Variants in BCO1 observed in about 807,000 individuals in gnomAD.
BCO1 encodes the protein beta-carotene oxygenase 1, also known as beta,beta-carotene 15,15'-dioxygenase.
Under a neutral mutation model 56.3 loss-of-function variants are expected in BCO1, and 54 were observed. That is an observed-to-expected ratio of 0.96 (90% confidence interval 0.77 to 1.20). BCO1 has a LOEUF of 1.20. BCO1 is among the 50% of genes most tolerant of loss of function. The probability of loss-of-function intolerance (pLI) is 0.00; values close to 1 mark genes in which losing one functional copy is unlikely to be tolerated. For missense variants in BCO1, 801 were observed against 690.9 expected, an observed-to-expected ratio of 1.16 and a Z score of -1.79; for synonymous variants, 318 against 266.1, an observed-to-expected ratio of 1.20 and a Z score of -1.90.
Position 81,262,166 on chromosome 16 carries a change from CG to C in BCO1, c.355del (p.Asp119IlefsTer7). ...TCTCCTACTTGTCTCACACCATCCC[CG>C]ATTTCACCGACAACTGCCTGATCAA... The part of the protein sequence containing the change: ...AFSYLSHTIP[D>X]FTDNCLINIM... On this transcript the variant is annotated frameshift_variant, in exon 4 of 11. Coordinates refer to ENST00000258168, the MANE Select transcript of BCO1 (RefSeq NM_017429.3). LOFTEE classifies it high-confidence loss of function. The C allele has an allele frequency of 6.2e-7, 1 of 1,614,032 alleles. No individual in the cohort carries two copies.
At chr16:81,289,625 A>G (rs1908355516) in intron 10 of BCO1, among the ~76,000 whole-genome samples, 3 of 152,228 alleles carry the variant, frequency 2.0e-5, no homozygotes, top group African/African-American at 7.2e-5. Context: ...TGGGCAACAG[A>G]GTAAGACCCT....
intron 5 of BCO1, among the ~76,000 whole-genome samples, chr16:81,266,338 CAGGAGACCTAGGCCTGTG>C (rs1906828314): frequency 6.6e-6 from 1 of 152,286 alleles, no homozygotes; most frequent in South Asian, 2.1e-4. Flanking sequence ...GAACCACACC[CAGGAGACCTAGGCCTGTG>C]AGGACAGCTG....
intron 1 of BCO1, among the ~76,000 whole-genome samples, chr16:81,239,801 A>G (rs1396914217): frequency 6.6e-6 from 1 of 152,032 alleles, no homozygotes; most frequent in East Asian, 1.9e-4. Flanking sequence ...AATCTTTTAT[A>G]TCTCTTTTTC....
intron 1 of BCO1, among the ~76,000 whole-genome samples, chr16:81,242,750 G>A (rs1479852799): frequency 2.0e-5 from 3 of 152,042 alleles, no homozygotes; most frequent in South Asian, 2.1e-4. Flanking sequence ...CCCGACCCTC[G>A]AGCCGTGGAC....
chr16:81,285,392 C>A, intron 8 of BCO1, 148 bp from the exon 9 acceptor site: 1 of 690,248 alleles, frequency 1.4e-6, no homozygotes. Context: ...CCTTTGACCA[C>A]CTTTGATCCA....
At chr16:81,272,039 G>A (rs138025494) in intron 7 of BCO1, among the ~76,000 whole-genome samples, 294 of 151,838 alleles carry the variant, frequency 1.9e-3, no homozygotes, top group African/African-American at 6.9e-3. Context: ...GAGCCACAGT[G>A]CCCGGCCAGT....
intron 7 of BCO1, among the ~76,000 whole-genome samples, chr16:81,278,105 G>T (rs963447082): frequency 1.3e-5 from 2 of 151,984 alleles, no homozygotes; most frequent in African/African-American, 2.4e-5. Flanking sequence ...GCAGTGACGC[G>T]ATCTCGGCTC....
At chr16:81,261,840 C>T (rs923983772) in intron 3 of BCO1, 1 of 368,834 alleles carries the variant, frequency 2.7e-6, no homozygotes, top group Non-Finnish European at 5.3e-6. Context: ...CTCCCGGGTT[C>T]ACGCCATTCT....
rs750755364 is a variant in BCO1 at position 81,264,730 on chromosome 16, A to C, written c.562A>C (p.Ile188Leu). 3 of 1,614,234 alleles carry C rather than the reference A, an allele frequency of 1.9e-6. No homozygotes were observed. The highest frequency in any genetic ancestry group is 1.1e-5 in the South Asian group (1 of 91,082). Residue 188 changes from isoleucine to leucine, a missense_variant, in exon 5 of 11, where the codon ATT (isoleucine) becomes CTT (leucine). By Grantham distance (5) the Ile-to-Leu change is conservative. Coordinates refer to ENST00000258168, the MANE Select transcript of BCO1 (RefSeq NM_017429.3). ...AGNVLNMGTS[I>L]VEKGKTKYVI... ...AAATGTTCTAAACATGGGCACATCCATTGTGGAAAAGGGGAAGACAAAGTA... is the reference window on the plus strand; with the variant it reads ...AAATGTTCTAAACATGGGCACATCCCTTGTGGAAAAGGGGAAGACAAAGTA...
chr16:81,257,238 G>A (rs936654541), intron 2 of BCO1, among the ~76,000 whole-genome samples: 1 of 152,078 alleles, frequency 6.6e-6, no homozygotes, highest in African/African-American at 2.4e-5. Flanking sequence ...ATCCATGGAT[G>A]TGGGTTTTTT....
intron 7 of BCO1, among the ~76,000 whole-genome samples, chr16:81,272,666 T>C (rs979057588): frequency 3.3e-5 from 5 of 152,368 alleles, no homozygotes; most frequent in Admixed American, 2.6e-4. Flanking sequence ...CAAAGGCTTC[T>C]GGCTCCAGAA....
chr16:81,256,080 T>A (rs1906118235), intron 2 of BCO1, among the ~76,000 whole-genome samples: 1 of 151,968 alleles, frequency 6.6e-6, no homozygotes, highest in African/African-American at 2.4e-5. Flanking sequence ...CCTCCCAAAT[T>A]GCTAGGATTA....
At chr16:81,240,730 G>T (rs892162106) in intron 1 of BCO1, among the ~76,000 whole-genome samples, 1 of 151,682 alleles carries the variant, frequency 6.6e-6, no homozygotes, top group Non-Finnish European at 1.5e-5. Context: ...AAAAAACCAG[G>T]CACCCCAGCC....
intron 3 of BCO1, among the ~76,000 whole-genome samples, chr16:81,261,004 C>T (rs934247379): frequency 2.0e-5 from 3 of 152,202 alleles, no homozygotes; most frequent in African/African-American, 4.8e-5. Context: ...TTTTTGAGAA[C>T]TGAAGTCATC....
At chr16:81,245,317 A>G (rs1435071018) in intron 1 of BCO1, among the ~76,000 whole-genome samples, 158 bp from the exon 2 acceptor site, 1 of 152,232 alleles carries the variant, frequency 6.6e-6, no homozygotes, top group Non-Finnish European at 1.5e-5. Context: ...CAACTGCCCA[A>G]CACATTATAC....
At chr16:81,274,258 C>CTTT (rs755672295) in intron 7 of BCO1, among the ~76,000 whole-genome samples, 85 of 80,572 alleles carry the variant, frequency 1.1e-3, no homozygotes, top group South Asian at 2.6e-3. Flanking sequence ...GCTTGTGTAT[C>CTTT]TTTTTTTTTT....
intron 10 of BCO1, among the ~76,000 whole-genome samples, chr16:81,287,991 C>T (rs1908279124): frequency 6.6e-6 from 1 of 152,072 alleles, no homozygotes; most frequent in African/African-American, 2.4e-5. Context: ...AAGTTCATAC[C>T]ACACGGCACA....
intron 7 of BCO1, among the ~76,000 whole-genome samples, chr16:81,276,126 A>C (rs758805272): frequency 6.6e-6 from 1 of 152,122 alleles, no homozygotes; most frequent in Non-Finnish European, 1.5e-5. Context: ...AAATGCAGAC[A>C]CTCCAGTAAG....
Position 81,271,120 on chromosome 16 carries a change from T to A in BCO1, c.1101+704T>A, listed in dbSNP as rs568394219. Reference sequence around the variant, plus strand: ...AATTTGCCCTTTTATTTATTTTTTTTTTTATTTTTTTTGAGACAGAGTCTT... The same window carrying A: ...AATTTGCCCTTTTATTTATTTTTTTATTTATTTTTTTTGAGACAGAGTCTT... On this transcript the variant is annotated intron_variant, in intron 7 of 10. Coordinates refer to ENST00000258168, the MANE Select transcript of BCO1 (RefSeq NM_017429.3). Among the ~76,000 whole-genome samples the A allele has an allele frequency of 2.9e-3, 444 of 151,456 alleles. 3 individuals carry two copies. The highest frequency in any genetic ancestry group is 0.01 in the African/African-American group (421 of 41,170).
Sources: allele counts gnomAD v4.1 joint callset (sites outside exome capture counted in the v4.1 genomes callset), GRCh38; gene constraint gnomAD v4.1.1; transcripts MANE v1.5; gene names NCBI Gene and HGNC (gene_info 2026-07-23, HGNC 2026-07-21).